NDST4: variants seen among roughly 807,000 people sequenced by gnomAD.
The protein encoded by NDST4 is N-heparan sulfate sulfotransferase 4.
NDST4 carries 63 observed loss-of-function variants against 100.8 expected under a neutral mutation model. That is an observed-to-expected ratio of 0.62 (90% CI 0.51 to 0.77). The LOEUF (loss-of-function observed/expected upper bound fraction) is 0.77, where lower values mean the gene tolerates loss of function less well. NDST4 is among the 30% of genes least tolerant of loss of function. The pLI is 0.00. For missense variants in NDST4, 943 were observed against 1,018.4 expected, an observed-to-expected ratio of 0.93 and a Z score of 1.01; for synonymous variants, 377 against 361.8, an observed-to-expected ratio of 1.04 and a Z score of -0.48.
rs1390137487 is a variant in NDST4, at chr4:114,858,354, T to C, written c.1720-5533A>G. On this transcript the variant is annotated intron_variant, in intron 7 of 13. Coordinates refer to ENST00000264363, the MANE Select transcript of NDST4 (RefSeq NM_022569.3). ...ACTATGAAAGGGCTCACAGAGTATA[T>C]GGCTCATTGACATGTTATCTTACAT... Among the ~76,000 whole-genome samples the C allele has an allele frequency of 2.6e-5, 4 of 152,176 alleles. No homozygotes were observed. In the East Asian group the frequency reaches 5.8e-4, roughly 22 times the overall value.
chr4:115,001,706 A>G (rs905698441), intron 2 of NDST4, among the ~76,000 whole-genome samples: 1 of 152,138 alleles, frequency 6.6e-6, no homozygotes, highest in Non-Finnish European at 1.5e-5. Flanking sequence ...TTATTTTTAC[A>G]GCATCCCTCA....
At chr4:114,880,658 T>C (rs1724348115) in intron 6 of NDST4, among the ~76,000 whole-genome samples, 1 of 152,164 alleles carries the variant, frequency 6.6e-6, no homozygotes, top group Admixed American at 6.6e-5. Context: ...TGCCTGGCAG[T>C]CTATTAGAAA....
At chr4:115,087,097 G>A (rs1375775287) in intron 1 of NDST4, among the ~76,000 whole-genome samples, 3 of 151,962 alleles carry the variant, frequency 2.0e-5, no homozygotes, top group African/African-American at 7.2e-5. Flanking sequence ...AACAATTTTT[G>A]AATGCTTAGA....
At chr4:114,924,548 T>C (rs1202143423) in intron 6 of NDST4, among the ~76,000 whole-genome samples, 3 of 152,038 alleles carry the variant, frequency 2.0e-5, no homozygotes, top group African/African-American at 7.2e-5. Context: ...CCTCTCACAG[T>C]TGGTGGCTGT....
Position 115,076,577 on chromosome 4 carries a change from A to G in NDST4, c.460T>C (p.Cys154Arg). 6 of 1,614,002 alleles carry G rather than the reference A, an allele frequency of 3.7e-6. No homozygotes were observed. Among genetic ancestry groups the G allele is most frequent in the Non-Finnish European group, 5.1e-6 (6 of 1,179,952 alleles). The change falls in exon 2 of 14, where the codon TGT (cysteine) becomes CGT (arginine). Residue 154 changes from cysteine to arginine, a missense_variant. Transcript: ENST00000264363. The stretch of plus-strand genomic sequence containing the variant: ...ATTATACTAACACTGTATTCCACAC[A>G]GTATTTTTCTAAAAGCTCTCGATTC... ...SWNRELLEKY[C>R]VEYSVSIIGF...
In NDST4 at chr4:115,041,079, A is replaced by G. The variant is rs555547596; in HGVS notation, c.978+34980T>C. 2.0e-5 allele frequency among the ~76,000 whole-genome samples: 3 copies of G among 152,232 alleles called. No individual in the cohort carries two copies. In the East Asian group the frequency reaches 5.8e-4, roughly 29 times the overall value. ...TATTCCAGCTATTAAATGAAGAAAT[A>G]ATTGCAATGTCACTATTTCACAACC... On this transcript the variant is annotated intron_variant, in intron 2 of 13. Coordinates refer to ENST00000264363, the MANE Select transcript of NDST4 (RefSeq NM_022569.3).
intron 2 of NDST4, among the ~76,000 whole-genome samples, chr4:115,016,634 A>G (rs751976887): frequency 1.3e-5 from 2 of 152,046 alleles, no homozygotes; most frequent in Non-Finnish European, 2.9e-5. Flanking sequence ...GATTGATCCT[A>G]TTGGGGGATA....
chr4:114,980,754 G>C (rs1398583810), intron 2 of NDST4, among the ~76,000 whole-genome samples: 1 of 151,898 alleles, frequency 6.6e-6, no homozygotes, highest in Non-Finnish European at 1.5e-5. Flanking sequence ...AATATAAATG[G>C]TTTTGAAATT....
At chr4:115,006,123 A>T (rs1009434030) in intron 2 of NDST4, among the ~76,000 whole-genome samples, 6 of 152,024 alleles carry the variant, frequency 3.9e-5, no homozygotes, top group East Asian at 1.9e-4. Flanking sequence ...AAAAAAGAAA[A>T]AAAAGAAATA....
At chr4:115,062,702 T>C (rs1374164372) in intron 2 of NDST4, among the ~76,000 whole-genome samples, 2 of 151,406 alleles carry the variant, frequency 1.3e-5, no homozygotes, top group South Asian at 2.1e-4. Context: ...GCAAACTACA[T>C]AAAAAAGAAA....
At chr4:114,862,191 T>G (rs1475976853) in intron 7 of NDST4, among the ~76,000 whole-genome samples, 1 of 152,140 alleles carries the variant, frequency 6.6e-6, no homozygotes, top group Non-Finnish European at 1.5e-5. Context: ...ACAAACATAA[T>G]GTTAATTGTA....
intron 1 of NDST4, among the ~76,000 whole-genome samples, chr4:115,100,768 T>C (rs370897157): frequency 1.3e-5 from 2 of 151,014 alleles, no homozygotes; most frequent in African/African-American, 4.9e-5. Flanking sequence ...GGAAATCCTC[T>C]CATTACAATA....
At chr4:114,845,339 G>A (rs1374709219) in intron 10 of NDST4, among the ~76,000 whole-genome samples, 6 of 152,020 alleles carry the variant, frequency 3.9e-5, no homozygotes, top group African/African-American at 1.4e-4. Context: ...CTCCAATTGG[G>A]TTGATTATTT....
At chr4:114,929,032 CTGT>C (rs1725439815) in intron 6 of NDST4, among the ~76,000 whole-genome samples, 6 of 147,310 alleles carry the variant, frequency 4.1e-5, no homozygotes, top group Admixed American at 6.7e-5. Context: ...ATCTGTCTGT[CTGT>C]CTGTCTGTCC....
At chr4:114,834,974 AT>A (rs1308896017) in intron 11 of NDST4, among the ~76,000 whole-genome samples, 1 of 151,876 alleles carries the variant, frequency 6.6e-6, no homozygotes, top group Non-Finnish European at 1.5e-5. Flanking sequence ...ATCACTTTTG[AT>A]TGTGTCTATT....
intron 1 of NDST4, among the ~76,000 whole-genome samples, chr4:115,104,379 G>A (rs917550136): frequency 4.6e-5 from 7 of 152,024 alleles, no homozygotes; most frequent in African/African-American, 1.7e-4. Flanking sequence ...TCACTATAAG[G>A]GGTGTGGATA....
intron 6 of NDST4, among the ~76,000 whole-genome samples, chr4:114,902,536 G>A (rs1024785578): frequency 1.3e-5 from 2 of 151,906 alleles, no homozygotes; most frequent in African/African-American, 2.4e-5. Flanking sequence ...TATGATGTGC[G>A]TAGGTGTAAT....
At chr4:115,036,833 T>A (rs1223743380) in intron 2 of NDST4, among the ~76,000 whole-genome samples, 1 of 151,992 alleles carries the variant, frequency 6.6e-6, no homozygotes, top group African/African-American at 2.4e-5. Flanking sequence ...TACATTGATA[T>A]TAAATAGGGA....
intron 1 of NDST4, among the ~76,000 whole-genome samples, chr4:115,111,556 A>C: frequency 6.6e-6 from 1 of 151,808 alleles, no homozygotes; most frequent in Middle Eastern, 3.4e-3. Context: ...AATGTAATTT[A>C]CATATATTTG....
Sources: allele counts gnomAD v4.1 joint callset (sites outside exome capture counted in the v4.1 genomes callset), GRCh38; gene constraint gnomAD v4.1.1; transcripts MANE v1.5; gene names NCBI Gene and HGNC (gene_info 2026-07-23, HGNC 2026-07-21).